SETD1A: variants seen among roughly 807,000 people sequenced by gnomAD.
The protein encoded by SETD1A is SET domain containing 1A, histone lysine methyltransferase, also known as histone-lysine N-methyltransferase SETD1A.
A neutral mutation model predicts 149.9 loss-of-function variants in SETD1A; 29 were observed. The ratio of observed to expected loss-of-function variants is 0.19; its 90% CI spans 0.14 to 0.26. The LOEUF is 0.26. SETD1A is among the 10% of genes least tolerant of loss of function. SETD1A has a pLI of 1.00. For missense variants in SETD1A, 2,109 were observed against 2,353.1 expected (o/e 0.90, Z 2.15); for synonymous variants, 1,141 against 968.5 (o/e 1.18, Z -3.31).
chr16:30,973,331 C>T (rs191371246), intron 13 of SETD1A, among the ~76,000 whole-genome samples: 94 of 152,130 alleles, frequency 6.2e-4, no homozygotes, highest in Non-Finnish European at 1.1e-3. Flanking sequence ...GAATGTAAGG[C>T]GAATTATGGT....
intron 3 of SETD1A, among the ~76,000 whole-genome samples, chr16:30,960,161 C>T (rs1211475484): frequency 2.6e-5 from 4 of 152,124 alleles, no homozygotes; most frequent in Admixed American, 2.0e-4. Flanking sequence ...GTCTCCTTGC[C>T]TTCGTTCTTG....
Position 30,966,611 on chromosome 16 carries a change from G to T in SETD1A, c.2505+225G>T, listed in dbSNP as rs896817923. On this transcript the variant is annotated intron_variant, in intron 8 of 18. Coordinates refer to ENST00000262519, the MANE Select transcript of SETD1A (RefSeq NM_014712.3). ...GAGCTTTGTCCTGGCTCCATTCCTT[G>T]CTGGCTTGCAGTGGACAAGGCCCTT... Among the ~76,000 whole-genome samples the T allele has an allele frequency of 2.0e-5, 3 of 152,244 alleles. No individual in the cohort carries two copies. Among genetic ancestry groups the T allele is most frequent in the Admixed American group, 6.5e-5 (1 of 15,286 alleles).
Position 30,979,995 on chromosome 16 carries a change from TCCGCCCCCACCC to T in SETD1A, c.4215_4226del (p.Pro1409_Pro1412del), listed in dbSNP as rs1249301895. ...GCTCCCACGCCCGGCGCCGCCGCCCTCCGCCCCCACCCCCGCCGCCACCGCCCCGCGCCTACG... is the reference window on the plus strand; with the variant it reads ...GCTCCCACGCCCGGCGCCGCCGCCCTCCGCCGCCACCGCCCCGCGCCTACG... On this transcript the variant is annotated inframe_deletion, in exon 14 of 19. Transcript: ENST00000262519. 2.1e-6 allele frequency: 1 copy of T among 477,112 alleles called. No homozygotes were observed. The highest frequency in any genetic ancestry group is 3.2e-6 in the Non-Finnish European group (1 of 313,590). 29.6% of individuals were successfully genotyped at this position (477,112 alleles called of 1,614,324 possible).
At chr16:30,960,345 G>A (rs917697861) in intron 3 of SETD1A, among the ~76,000 whole-genome samples, 1 of 152,152 alleles carries the variant, frequency 6.6e-6, no homozygotes, top group Non-Finnish European at 1.5e-5. Flanking sequence ...ACACCATAAC[G>A]CTTTGCGGTT....
In SETD1A at chr16:30,979,919, A is replaced by ACAGCAG. The variant is rs542501339; in HGVS notation, c.4144_4149dup (p.Ser1382_Ser1383dup). On this transcript the variant is annotated inframe_insertion, in exon 14 of 19. Coordinates refer to ENST00000262519, the MANE Select transcript of SETD1A (RefSeq NM_014712.3). The stretch of plus-strand genomic sequence containing the variant: ...GAGGAAGAGGAGGAGGAGTCCTCTG[A>ACAGCAG]CAGCAGCAGCAGCAGCGATGGGGAG... 6.5e-7 allele frequency: 1 copy of ACAGCAG among 1,534,002 alleles called. No homozygotes were observed. The highest frequency in any genetic ancestry group is 2.0e-5 in the Admixed American group (1 of 50,840).
In SETD1A at chr16:30,965,429, C is replaced by T; in HGVS notation, c.1687C>T (p.Arg563Trp). 6.9e-6 allele frequency: 11 copies of T among 1,602,450 alleles called. No homozygotes were observed. The highest frequency in any genetic ancestry group is 2.2e-5 in the East Asian group (1 of 44,488). The change falls in exon 7 of 19, where the codon CGG becomes TGG. Residue 563 changes from arginine (R) to tryptophan (W), a missense_variant. Arg to Trp is a moderately radical substitution (Grantham distance 101). Around this residue, in one of 8 missense-constraint regions of SETD1A, gnomAD observed 431 missense variants for 388.6 expected, o/e 1.11. Coordinates refer to ENST00000262519, the MANE Select transcript of SETD1A (RefSeq NM_014712.3). ...PTGSGEPGAT[R>W]ESPKANGQNQ... Reference sequence around the variant, plus strand: ...AGGGAGCGGGGAGCCAGGGGCTACCCGGGAGTCTCCCAAGGCAAATGGACA... The same window carrying T: ...AGGGAGCGGGGAGCCAGGGGCTACCTGGGAGTCTCCCAAGGCAAATGGACA...
intron 9 of SETD1A, among the ~76,000 whole-genome samples, 186 bp from the exon 10 acceptor site, chr16:30,967,315 G>A (rs2056162014): frequency 6.6e-6 from 1 of 152,106 alleles, no homozygotes; most frequent in Non-Finnish European, 1.5e-5. Context: ...CACCACGCCT[G>A]GCTAATTTTT....
At chr16:30,970,903 C>T (rs1008045406) in intron 12 of SETD1A, among the ~76,000 whole-genome samples, 1 of 152,238 alleles carries the variant, frequency 6.6e-6, no homozygotes, top group African/African-American at 2.4e-5. Flanking sequence ...CCTTCCCGTA[C>T]ATGAGCAGTC....
intron 13 of SETD1A, among the ~76,000 whole-genome samples, chr16:30,972,236 C>T (rs1238520199): frequency 2.0e-5 from 3 of 152,180 alleles, no homozygotes; most frequent in Admixed American, 6.5e-5. Flanking sequence ...GAGTGCTCAT[C>T]GCAGCCAAAC....
Position 30,979,992 on chromosome 16 carries a change from C to CCCCCA in SETD1A, c.4208_4209insCCACC (p.Pro1404HisfsTer23). 6.8e-7 allele frequency: 1 copy of CCCCCA among 1,477,496 alleles called. No homozygotes were observed. Among genetic ancestry groups the CCCCCA allele is most frequent in the Non-Finnish European group, 8.9e-7 (1 of 1,120,128 alleles). 91.5% of individuals were successfully genotyped at this position (1,477,496 alleles called of 1,614,324 possible). The stretch of plus-strand genomic sequence containing the variant: ...TCCGCTCCCACGCCCGGCGCCGCCG[C>CCCCCA]CCTCCGCCCCCACCCCCGCCGCCAC... On this transcript the variant is annotated frameshift_variant, in exon 14 of 19. Coordinates refer to ENST00000262519, the MANE Select transcript of SETD1A (RefSeq NM_014712.3). LOFTEE classifies it high-confidence loss of function.
At position 30,983,383 on chromosome 16, in the gene SETD1A, T is replaced by C. The variant is rs1400550557; in HGVS notation, c.4813-252T>C. ...ATGCTCGAAGGAGTCAGTGGCTCTC[T>C]TACCCAGTGCAGATTTCCCTGGAGT... On this transcript the variant is annotated intron_variant, in intron 17 of 18. Transcript: ENST00000262519. The surrounding 1 kb of genome is among the most constrained non-coding windows in gnomAD (Gnocchi z 6.8). 2.0e-5 allele frequency among the ~76,000 whole-genome samples: 3 copies of C among 152,186 alleles called. No individual in the cohort carries two copies. The highest frequency in any genetic ancestry group is 6.5e-5 in the Admixed American group (1 of 15,278).
chr16:30,978,436 A>T (rs1475377158), intron 13 of SETD1A, among the ~76,000 whole-genome samples: 1 of 151,706 alleles, frequency 6.6e-6, no homozygotes, highest in South Asian at 2.1e-4. Flanking sequence ...GGGAGGATGC[A>T]CTCCCCGTCC....
intron 4 of SETD1A, among the ~76,000 whole-genome samples, chr16:30,962,498 G>A (rs1054184314): frequency 6.6e-6 from 1 of 152,350 alleles, no homozygotes; most frequent in Middle Eastern, 3.4e-3. Flanking sequence ...GAACACAAGC[G>A]AGGTGGTCTG....
At chr16:30,970,232 G>C (rs1046150046) in intron 12 of SETD1A, among the ~76,000 whole-genome samples, 2 of 148,964 alleles carry the variant, frequency 1.3e-5, no homozygotes, top group Non-Finnish European at 1.5e-5. Context: ...GCCTCTGGAA[G>C]TGCTGGGATT....
rs1226883903 is a variant in SETD1A at position 30,961,038 on chromosome 16, C to T, written c.247-229C>T. ...GATTATAAGTGTGAGCTGCCACACC[C>T]GGCCTAGTTTGCACATTTCTGTTCT... On this transcript the variant is annotated intron_variant, in intron 3 of 18. Coordinates refer to ENST00000262519, the MANE Select transcript of SETD1A (RefSeq NM_014712.3). The surrounding 1 kb of genome is among the most constrained non-coding windows in gnomAD (Gnocchi z 4.0). Among the ~76,000 whole-genome samples, 3 of 152,024 alleles carry T rather than the reference C, an allele frequency of 2.0e-5. No individual in the cohort carries two copies. The highest frequency in any genetic ancestry group is 6.6e-5 in the Admixed American group (1 of 15,264).
intron 7 of SETD1A, 66 bp downstream of exon 7, chr16:30,965,527 G>A: frequency 6.3e-7 from 1 of 1,589,556 alleles, no homozygotes; most frequent in Non-Finnish European, 8.6e-7. Flanking sequence ...CTAGGGGAGA[G>A]GGAAGGGAAC....
intron 13 of SETD1A, among the ~76,000 whole-genome samples, chr16:30,972,271 G>A (rs1027400019): frequency 6.6e-6 from 1 of 152,184 alleles, no homozygotes; most frequent in Non-Finnish European, 1.5e-5. Flanking sequence ...ATGGGTTGCT[G>A]AGCCTCACAG....
intron 13 of SETD1A, among the ~76,000 whole-genome samples, chr16:30,977,827 C>T (rs2056302953): frequency 6.6e-6 from 1 of 152,210 alleles, no homozygotes; most frequent in East Asian, 1.9e-4. Context: ...TGCCGGCGGC[C>T]CTGTTGGCGC....
chr16:30,967,626 C>T (rs532404799), intron 10 of SETD1A, 38 bp downstream of exon 10: 6 of 1,572,192 alleles, frequency 3.8e-6, no homozygotes, highest in South Asian at 2.2e-5. Context: ...GGGTGTGCTG[C>T]GTGGGTTCTG....
Sources: gnomAD v4.1 joint callset for allele counts (sites outside exome capture counted in the v4.1 genomes callset) on GRCh38, gnomAD v4.1.1 for gene constraint, gnomAD v4.1.1 regional missense constraint, Gnocchi (gnomAD v3.1) non-coding constraint, MANE v1.5 for transcripts, NCBI Gene and HGNC (gene_info 2026-07-23, HGNC 2026-07-21) for gene names.